Variants in CSRNP1 observed in about 807,000 individuals in gnomAD.
CSRNP1 encodes cysteine and serine rich nuclear protein 1.
A neutral mutation model predicts 25.0 loss-of-function variants in CSRNP1; 8 were observed. The observed-to-expected ratio is 0.32, with a 90% confidence interval of 0.19 to 0.58. The LOEUF is 0.58. Ranked by LOEUF, CSRNP1 falls within the 20% of genes least tolerant of loss-of-function variation. CSRNP1 has a pLI of 0.88. For synonymous variants in CSRNP1, 305 were observed against 303.1 expected (o/e 1.01, Z -0.06); for missense variants, 691 against 773.1 (o/e 0.89, Z 1.26).
At position 39,146,347 on chromosome 3, in the gene CSRNP1, T is replaced by G. The variant is rs2039510240; in HGVS notation, c.205+131A>C. On this transcript the variant is annotated intron_variant, in intron 2 of 4. Transcript: ENST00000273153. Reference sequence around the variant, plus strand: ...AGTGGACACTGAGTGACCACTATATTATAGCTCATGAGAGCTACCGCCATG... The same window carrying G: ...AGTGGACACTGAGTGACCACTATATGATAGCTCATGAGAGCTACCGCCATG... 2.6e-6 allele frequency: 3 copies of G among 1,158,872 alleles called. No individual in the cohort carries two copies. The South Asian group carries it at 4.9e-5, about 19-fold the overall frequency. 71.8% of individuals were successfully genotyped at this position (1,158,872 alleles called of 1,614,324 possible).
intron 1 of CSRNP1, chr3:39,150,784 A>G (rs1181484751): frequency 4.6e-5 from 7 of 152,326 alleles, no homozygotes; most frequent in Admixed American, 4.6e-4. Context: ...TATGACCTCC[A>G]AGCCTACAGA....
Position 39,145,115 on chromosome 3 carries a change from C to T in CSRNP1, c.347G>A (p.Arg116His), listed in dbSNP as rs757630647. ...RGGCTLGMAL[R>H]HSACRRFSLA... ...AGAGAAGCGACGGCAAGCACTGTGG[C>T]GAAGGGCCATACCCAGAGTACAGCC... The change falls in exon 3 of 5, where the codon CGC (arginine) becomes CAC (histidine). Residue 116 changes from arginine to histidine, a missense_variant. Physicochemically the swap from Arg to His is conservative, Grantham distance 29. Transcript: ENST00000273153. 72 of 1,614,146 alleles carry T rather than the reference C, an allele frequency of 4.5e-5. No homozygotes were observed. Among genetic ancestry groups the T allele is most frequent in the South Asian group, 6.6e-5 (6 of 91,090 alleles).
chr3:39,144,503 T>G, intron 3 of CSRNP1, 52 bp from the exon 4 acceptor site: 1 of 1,528,588 alleles, frequency 6.5e-7, no homozygotes, highest in Non-Finnish European at 8.8e-7. Context: ...GACATGGGCT[T>G]AGCCCTACTG....
In CSRNP1 at chr3:39,153,590, C is replaced by CT. The variant is rs1423203298; in HGVS notation, c.-194dup. The CT allele has an allele frequency of 6.5e-6, 1 of 152,912 alleles. No individual in the cohort carries two copies. The highest frequency in any genetic ancestry group is 1.4e-5 in the Non-Finnish European group (1 of 69,138). The allele number at this position is 152,912 out of a possible 1,614,324, so 9.5% of individuals were successfully genotyped here. On this transcript the variant is annotated 5_prime_UTR_variant, in exon 1 of 5. Coordinates refer to ENST00000273153, the MANE Select transcript of CSRNP1 (RefSeq NM_033027.4). ...CGGCAGCGGCGGCGGCGGCGGGAGA[C>CT]TGCCTGCGCCCAGCCCCGCCCGCCG...
At chr3:39,153,414 G>C (rs2039611949) in intron 1 of CSRNP1, 24 bp downstream of exon 1, 1 of 286,298 alleles carries the variant, frequency 3.5e-6, no homozygotes, top group South Asian at 2.3e-5. Flanking sequence ...CGTCCTGCCG[G>C]GCCCGAGGCC....
intron 1 of CSRNP1, among the ~76,000 whole-genome samples, chr3:39,147,044 AAAAC>A (rs2039522495): frequency 6.0e-5 from 1 of 16,756 alleles, no homozygotes; most frequent in Non-Finnish European, 1.1e-4. Context: ...ATACATACAC[AAAAC>A]ACACACACAC....
chr3:39,153,405 G>T, intron 1 of CSRNP1, 33 bp downstream of exon 1: 1 of 270,264 alleles, frequency 3.7e-6, no homozygotes, highest in South Asian at 2.5e-5. Flanking sequence ...CCAAAGTCCC[G>T]TCCTGCCGGG....
In CSRNP1 at chr3:39,142,700, C is replaced by CTTAT; in HGVS notation, c.*354_*355insATAA. On this transcript the variant is annotated 3_prime_UTR_variant, in exon 5 of 5. Transcript: ENST00000273153. Reference sequence around the variant, plus strand: ...AAGCCACCTGATTTCAGCCCTGTCTCACCGTCTTTGGGCTAAGGAACATCA... The same window carrying CTTAT: ...AAGCCACCTGATTTCAGCCCTGTCTCTTATACCGTCTTTGGGCTAAGGAACATCA... The CTTAT allele has an allele frequency of 5.3e-6, 1 of 189,892 alleles. No individual in the cohort carries two copies. Among genetic ancestry groups the CTTAT allele is most frequent in the Non-Finnish European group, 1.1e-5 (1 of 91,690 alleles). 11.8% of individuals were successfully genotyped at this position (189,892 alleles called of 1,614,324 possible).
At position 39,146,671 on chromosome 3, in the gene CSRNP1, C is replaced by A. The variant is rs1181538710; in HGVS notation, c.12G>T (p.Leu4=). Residue 4 remains leucine, a synonymous_variant, in exon 2 of 5, where the codon CTG becomes CTT. Transcript: ENST00000273153. MTG[L]LKRKFDQLDE... is the part of the protein sequence containing the mutation. ...CCAGCTGGTCAAATTTCCTCTTCAACAGCCCAGTCATGGTGGTGCCGGACG... is the reference window on the plus strand; with the variant it reads ...CCAGCTGGTCAAATTTCCTCTTCAAAAGCCCAGTCATGGTGGTGCCGGACG... The A allele has an allele frequency of 2.6e-6, 4 of 1,562,670 alleles. No homozygotes were observed. The East Asian group carries it at 7.2e-5, about 28-fold the overall frequency.
In CSRNP1 at chr3:39,153,470, G is replaced by A. The variant is rs774674710; in HGVS notation, c.-73C>T. On this transcript the variant is annotated 5_prime_UTR_variant, in exon 1 of 5. Transcript: ENST00000273153. ...CCGGACGCTCGCGGAGGACAACGAC[G>A]CGACCCGCGTCCCGGCCGGGGACGC... is the stretch of plus-strand genomic sequence containing the variant. 3.1e-6 allele frequency: 1 copy of A among 322,170 alleles called. No homozygotes were observed. The highest frequency in any genetic ancestry group is 2.0e-5 in the South Asian group (1 of 49,318). The allele number at this position is 322,170 out of a possible 1,614,324, so 20.0% of individuals were successfully genotyped here.
chr3:39,147,231 GTGTGTA>G (rs769679982), intron 1 of CSRNP1, among the ~76,000 whole-genome samples: 2,754 of 150,476 alleles, frequency 0.018, 39 homozygotes, highest in Middle Eastern at 0.034. Flanking sequence ...GTGTGTGTGT[GTGTGTA>G]TGTGTGTGTG....
Position 39,143,750 on chromosome 3 carries a change from A to T in CSRNP1, c.1075T>A (p.Ser359Thr). Reference sequence around the variant, plus strand: ...TCACTAGTGCCCGATGCTGATGAAGATGCTGTAGAAGAATCAGTCATGTCG... The same window carrying T: ...TCACTAGTGCCCGATGCTGATGAAGTTGCTGTAGAAGAATCAGTCATGTCG... ...SSDMTDSSTA[S>T]SSASGTSEAP... Residue 359 changes from serine to threonine, a missense_variant, in exon 5 of 5, where the codon TCT becomes ACT. Coordinates refer to ENST00000273153, the MANE Select transcript of CSRNP1 (RefSeq NM_033027.4). 1 of 1,614,054 alleles carries T rather than the reference A, an allele frequency of 6.2e-7. No individual in the cohort carries two copies. Among genetic ancestry groups the T allele is most frequent in the Non-Finnish European group, 8.5e-7 (1 of 1,179,950 alleles).
Position 39,143,054 on chromosome 3 carries a change from C to T in CSRNP1, c.*1G>A. 6.4e-7 allele frequency: 1 copy of T among 1,555,532 alleles called. No individual in the cohort carries two copies. Among genetic ancestry groups the T allele is most frequent in the Non-Finnish European group, 8.7e-7 (1 of 1,149,518 alleles). On this transcript the variant is annotated 3_prime_UTR_variant, in exon 5 of 5. Transcript: ENST00000273153. ...GGGGCTGGGAAAAGACATCCTGGTC[C>T]TCACACCGGCACAGGCTCCATTAGA...
chr3:39,144,547 C>G (rs784518), intron 3 of CSRNP1, 96 bp from the exon 4 acceptor site: 762,952 of 1,217,614 alleles, frequency 0.63, 249,769 homozygotes, highest in Non-Finnish European at 0.66. Flanking sequence ...TGCTTACCCC[C>G]CCACTACTCG....
intron 1 of CSRNP1, chr3:39,151,177 G>C (rs2039576138): frequency 1.3e-5 from 2 of 152,196 alleles, no homozygotes; most frequent in South Asian, 2.1e-4. Flanking sequence ...CCCCTCCCTA[G>C]GGTCCTGGAG....
rs1408574666 is a variant in CSRNP1, at chr3:39,144,211, C to G, written c.706G>C (p.Asp236His). The G allele has an allele frequency of 6.2e-7, 1 of 1,614,178 alleles. No homozygotes were observed. The highest frequency in any genetic ancestry group is 1.3e-5 in the African/African-American group (1 of 75,054). Residue 236 changes from aspartate to histidine, a missense_variant, in exon 4 of 5, where the codon GAT becomes CAT. Physicochemically the swap from Asp to His is moderately conservative, Grantham distance 81. Transcript: ENST00000273153. The stretch of plus-strand genomic sequence containing the variant: ...ATCCTATCGCAGTGACAGCCACAAT[C>G]CTCCCGGGATTGGCGCAGTGCCTGC... ...ELQALRQSRE[D>H]CGCHCDRICD...
At chr3:39,144,514 T>A in intron 3 of CSRNP1, 63 bp from the exon 4 acceptor site, 3 of 1,486,846 alleles carry the variant, frequency 2.0e-6, no homozygotes, top group Non-Finnish European at 2.7e-6. Flanking sequence ...AGCCCTACTG[T>A]CACTAGACAA....
chr3:39,153,209 C>A (rs1305668774), intron 1 of CSRNP1: 1 of 152,660 alleles, frequency 6.6e-6, no homozygotes, highest in African/African-American at 2.4e-5. Flanking sequence ...CTCGGGGTTA[C>A]CGCGGCGGGC....
In CSRNP1 at chr3:39,146,695, C is replaced by T. The variant is rs989523471; in HGVS notation, c.-13G>A. ...ACAGCCCAGTCATGGTGGTGCCGGA[C>T]GTGCTCTGGGGTCTGGGGACAGACA... On this transcript the variant is annotated 5_prime_UTR_variant, in exon 2 of 5. Coordinates refer to ENST00000273153, the MANE Select transcript of CSRNP1 (RefSeq NM_033027.4). 9.6e-6 allele frequency: 15 copies of T among 1,555,704 alleles called. No individual in the cohort carries two copies. The highest frequency in any genetic ancestry group is 4.1e-5 in the African/African-American group (3 of 73,156).
Sources: allele counts gnomAD v4.1 joint callset (sites outside exome capture counted in the v4.1 genomes callset), GRCh38; gene constraint gnomAD v4.1.1; transcripts MANE v1.5; gene names NCBI Gene and HGNC (gene_info 2026-07-23, HGNC 2026-07-21).